ITGA1: variants seen among roughly 807,000 people sequenced by gnomAD.
ITGA1 encodes integrin subunit alpha 1, also known as integrin alpha-1.
A neutral mutation model predicts 145.9 loss-of-function variants in ITGA1; 85 were observed. The observed-to-expected ratio is 0.58, with a 90% CI of 0.49 to 0.70. The LOEUF is 0.70. Ranked by LOEUF, ITGA1 falls within the 30% of genes least tolerant of loss-of-function variation. ITGA1 has a pLI of 0.00. For missense variants in ITGA1, 1,351 were observed against 1,418.7 expected (o/e 0.95, Z 0.77); for synonymous variants, 520 against 495.3 (o/e 1.05, Z -0.66).
At chr5:52,850,773 T>C (rs894272112) in intron 2 of ITGA1, among the ~76,000 whole-genome samples, 4 of 152,176 alleles carry the variant, frequency 2.6e-5, no homozygotes, top group Non-Finnish European at 5.9e-5. Flanking sequence ...CAATGCTACA[T>C]GCTAAATTTT....
Position 52,913,213 on chromosome 5 carries a change from T to G in ITGA1, c.1858-2251T>G, listed in dbSNP as rs1393875293. ...GACATTTAGTGTGTCCCGTTCTAAA[T>G]AGAGGGCACTGCTTTCTGAATAAGG... On this transcript the variant is annotated intron_variant, in intron 14 of 28. Coordinates refer to ENST00000282588, the MANE Select transcript of ITGA1 (RefSeq NM_181501.2). 2.0e-5 allele frequency among the ~76,000 whole-genome samples: 3 copies of G among 152,274 alleles called. No homozygotes were observed. In the South Asian group the frequency reaches 6.2e-4, roughly 32 times the overall value.
chr5:52,887,911 G>T lies in ITGA1; in HGVS notation c.870G>T (p.Leu290=), dbSNP rs1579698951. 1.2e-6 allele frequency: 2 copies of T among 1,614,124 alleles called. 1 individual carries two copies. Among genetic ancestry groups the T allele is most frequent in the Middle Eastern group, 3.3e-4 (2 of 6,062 alleles). The change falls in exon 8 of 29, where the codon CTG becomes CTT. Residue 290 remains leucine (L), a synonymous_variant. Coordinates refer to ENST00000282588, the MANE Select transcript of ITGA1 (RefSeq NM_181501.2). ...GAGAGTCTCATGACAATCATCGACTGAAGAAGGTCATCCAAGACTGTGAAG... is the reference window on the plus strand; with the variant it reads ...GAGAGTCTCATGACAATCATCGACTTAAGAAGGTCATCCAAGACTGTGAAG... ...TDGESHDNHR[L]KKVIQDCEDE... is the part of the protein sequence containing the mutation.
chr5:52,911,422 TATAG>T (rs940721614), intron 14 of ITGA1, among the ~76,000 whole-genome samples: 1 of 134,142 alleles, frequency 7.5e-6, no homozygotes. Context: ...ATATACACTA[TATAG>T]ATACTATATA....
rs200600121 is a variant in ITGA1 at position 52,800,962 on chromosome 5, G to T, written c.61+12548G>T. ...CTTGGAGCGGTTCTATGAACAGGTG[G>T]TCCAGGCTATCCAGCGCCACATACA... is the stretch of plus-strand genomic sequence containing the variant. On this transcript the variant is annotated intron_variant, in intron 1 of 28. Transcript: ENST00000282588. 2.5e-6 allele frequency: 4 copies of T among 1,614,222 alleles called. No homozygotes were observed. The East Asian group carries it at 8.9e-5, about 36-fold the overall frequency.
At chr5:52,800,338 C>G (rs1748442195) in intron 1 of ITGA1, 4 of 1,591,916 alleles carry the variant, frequency 2.5e-6, no homozygotes, top group Non-Finnish European at 3.4e-6. Context: ...TCTCCCGGGG[C>G]GGAGGTGAGG....
At chr5:52,800,268 C>G (rs1748439390) in intron 1 of ITGA1, 2 of 932,494 alleles carry the variant, frequency 2.1e-6, no homozygotes, top group Non-Finnish European at 1.6e-6. Flanking sequence ...TTCCTTCCCG[C>G]CAGGCAAGTG....
Position 52,927,493 on chromosome 5 carries a change from C to T in ITGA1, c.2614-91C>T, listed in dbSNP as rs1243370795. The T allele has an allele frequency of 2.2e-5, 18 of 827,762 alleles. No individual in the cohort carries two copies. In the South Asian group the frequency reaches 3.2e-4, roughly 15 times the overall value. The allele number at this position is 827,762 out of a possible 1,614,324, so 51.3% of individuals were successfully genotyped here. The stretch of plus-strand genomic sequence containing the variant: ...GAGACAAAAATAGTGGCAAGGCAGT[C>T]ACCAAGACACATCTGGGAAAATTCT... On this transcript the variant is annotated intron_variant, in intron 19 of 28. Coordinates refer to ENST00000282588, the MANE Select transcript of ITGA1 (RefSeq NM_181501.2).
chr5:52,856,117 T>A (rs966837669), intron 2 of ITGA1, among the ~76,000 whole-genome samples: 2 of 152,172 alleles, frequency 1.3e-5, no homozygotes, highest in African/African-American at 4.8e-5. Flanking sequence ...CCAGACCTTT[T>A]CCTCCAGAGC....
At chr5:52,882,948 A>G (rs953936499) in intron 7 of ITGA1, 1 of 152,236 alleles carries the variant, frequency 6.6e-6, no homozygotes, top group Non-Finnish European at 1.5e-5. Flanking sequence ...GAAGGTTAAA[A>G]AAGTTAATAA....
chr5:52,806,381 A>G (rs1748588264), intron 1 of ITGA1, among the ~76,000 whole-genome samples: 1 of 152,000 alleles, frequency 6.6e-6, no homozygotes, highest in Non-Finnish European at 1.5e-5. Context: ...TGGATTTAAC[A>G]AGGAGAACAA....
At position 52,896,469 on chromosome 5, in the gene ITGA1, C is replaced by T. The variant is rs867673961; in HGVS notation, c.1091-986C>T. On this transcript the variant is annotated intron_variant, in intron 9 of 28. Coordinates refer to ENST00000282588, the MANE Select transcript of ITGA1 (RefSeq NM_181501.2). ...ATGATATATTTGAATTCTTCACTGC[C>T]GCGTCTAATCTAGTCCTACAAAGGT... Among the ~76,000 whole-genome samples, 6 of 152,064 alleles carry T rather than the reference C, an allele frequency of 3.9e-5. No homozygotes were observed. The South Asian group carries it at 6.2e-4, about 16-fold the overall frequency.
chr5:52,888,417 G>A (rs189097299), intron 8 of ITGA1, among the ~76,000 whole-genome samples: 5 of 152,242 alleles, frequency 3.3e-5, no homozygotes, highest in Admixed American at 6.5e-5. Flanking sequence ...TCCCTTCCCC[G>A]TCTGAGCAAT....
chr5:52,915,607 A>G lies in ITGA1; in HGVS notation c.1988+13A>G. ...CTGCCCTCTTCTGGTATGTATTTTA[A>G]TAACATCCTGTTAATCTGAGACTGG... On this transcript the variant is annotated intron_variant, in intron 15 of 28. Coordinates refer to ENST00000282588, the MANE Select transcript of ITGA1 (RefSeq NM_181501.2). 3 of 1,613,136 alleles carry G rather than the reference A, an allele frequency of 1.9e-6. No homozygotes were observed. Among genetic ancestry groups the G allele is most frequent in the Non-Finnish European group, 2.5e-6 (3 of 1,179,654 alleles).
At chr5:52,875,733 C>T (rs983411505) in intron 6 of ITGA1, among the ~76,000 whole-genome samples, 4 of 152,182 alleles carry the variant, frequency 2.6e-5, no homozygotes, top group African/African-American at 9.7e-5. Context: ...TTTTAGCTGT[C>T]ATCCCTGCAT....
In ITGA1 at chr5:52,958,422, C is replaced by G. The variant is rs1273127073; in HGVS notation, c.*5971C>G. ...ACTATATTCTTATGTGTAGATTAACCAAGGCTAATTTCCTGGAGTTTAATA... is the reference window on the plus strand; with the variant it reads ...ACTATATTCTTATGTGTAGATTAACGAAGGCTAATTTCCTGGAGTTTAATA... On this transcript the variant is annotated 3_prime_UTR_variant, in exon 29 of 29. Transcript: ENST00000282588. The G allele has an allele frequency of 1.3e-5, 2 of 151,632 alleles. No homozygotes were observed. The highest frequency in any genetic ancestry group is 2.9e-5 in the Non-Finnish European group (2 of 67,872). 9.4% of individuals were successfully genotyped at this position (151,632 alleles called of 1,614,324 possible). A position where few individuals can be genotyped will look rare whatever the true frequency, so the allele number is the denominator to read the frequency against.
At chr5:52,930,827 G>A (rs111795450) in intron 21 of ITGA1, among the ~76,000 whole-genome samples, 3,296 of 152,104 alleles carry the variant, frequency 0.022, 51 homozygotes, top group Non-Finnish European at 0.028. Context: ...ATCATATTAC[G>A]CTAGGTACTG....
Position 52,944,925 on chromosome 5 carries a change from A to G in ITGA1, c.3286-18A>G, listed in dbSNP as rs1156707106. 26 of 1,545,596 alleles carry G rather than the reference A, an allele frequency of 1.7e-5. No individual in the cohort carries two copies. The highest frequency in any genetic ancestry group is 2.3e-5 in the Non-Finnish European group (26 of 1,119,358). On this transcript the variant is annotated intron_variant, in intron 26 of 28. Transcript: ENST00000282588. The stretch of plus-strand genomic sequence containing the variant: ...GATTAGCATCATATATTAAGAACAA[A>G]TCCTATTTGCTTTTCAGTCATATTT...
chr5:52,804,634 G>T (rs911639410), intron 1 of ITGA1, among the ~76,000 whole-genome samples: 8 of 152,062 alleles, frequency 5.3e-5, no homozygotes, highest in Admixed American at 5.2e-4. Flanking sequence ...TTTAACAGAA[G>T]TTACTAATTC....
intron 15 of ITGA1, among the ~76,000 whole-genome samples, chr5:52,917,747 C>T (rs1750669040): frequency 6.6e-6 from 1 of 152,054 alleles, no homozygotes; most frequent in African/African-American, 2.4e-5. Context: ...AAGAAAAAAC[C>T]ACTGAGTGTA....
Sources: allele counts gnomAD v4.1 joint callset (sites outside exome capture counted in the v4.1 genomes callset), GRCh38; gene constraint gnomAD v4.1.1; transcripts MANE v1.5; gene names NCBI Gene and HGNC (gene_info 2026-07-23, HGNC 2026-07-21).